Variants in TRAF3 observed in about 807,000 individuals in gnomAD.
TRAF3 encodes TNF receptor-associated factor 3.
Under a neutral mutation model 62.3 loss-of-function variants are expected in TRAF3, and 13 were observed. The observed-to-expected ratio is 0.21, with a 90% confidence interval of 0.14 to 0.33. The LOEUF (loss-of-function observed/expected upper bound fraction) is 0.33. Among genes scored for constraint, TRAF3 ranks in the 10% least tolerant of loss-of-function variants. The probability of loss-of-function intolerance (pLI) is 1.00; values close to 1 mark genes in which losing one functional copy is unlikely to be tolerated. For missense variants in TRAF3, 440 were observed against 741.8 expected (o/e 0.59, Z 4.73); for synonymous variants, 269 against 283.4 (o/e 0.95, Z 0.51).
At chr14:102,886,356 C>T (rs561721988) in intron 7 of TRAF3, 87 bp downstream of exon 7, 99 of 1,199,798 alleles carry the variant, frequency 8.3e-5, no homozygotes, top group East Asian at 1.8e-4. Context: ...CGAAGCCTCA[C>T]GTTTTCCCAG....
intron 6 of TRAF3, among the ~76,000 whole-genome samples, chr14:102,880,115 C>CA (rs1001944240): frequency 1.3e-4 from 19 of 151,720 alleles, no homozygotes; most frequent in African/African-American, 3.1e-4. Flanking sequence ...GACCCTGTCT[C>CA]AAAAAAAAGA....
chr14:102,820,807 A>T (rs916487736), intron 1 of TRAF3, among the ~76,000 whole-genome samples: 1 of 149,786 alleles, frequency 6.7e-6, no homozygotes, highest in African/African-American at 2.5e-5. Context: ...GTTTTAAAAA[A>T]TTTTTTTATA....
At chr14:102,793,730 A>G (rs776877179) in intron 1 of TRAF3, among the ~76,000 whole-genome samples, 9 of 152,236 alleles carry the variant, frequency 5.9e-5, no homozygotes, top group South Asian at 2.1e-4. Flanking sequence ...AGGGAACTCT[A>G]TTCCTGATGC....
At chr14:102,805,263 G>A (rs4145824) in intron 1 of TRAF3, among the ~76,000 whole-genome samples, 79,817 of 152,044 alleles carry the variant, frequency 0.52, 23,355 homozygotes, top group South Asian at 0.74. Flanking sequence ...TTTCTAGTGT[G>A]TGCTCTTCTT....
rs1355039873 is a variant in TRAF3 at position 102,898,807 on chromosome 14, A to G, written c.960+1406A>G. 3.3e-5 allele frequency among the ~76,000 whole-genome samples: 5 copies of G among 152,258 alleles called. No homozygotes were observed. The East Asian group carries it at 7.7e-4, about 23-fold the overall frequency. On this transcript the variant is annotated intron_variant, in intron 10 of 11. Transcript: ENST00000392745. ...CTTTTTAGTCGAGTTTAATCACTCT[A>G]TGGTATGTGATTTCTACTTGAAAAC...
chr14:102,897,118 T>C (rs1365984366), intron 9 of TRAF3, 143 bp from the exon 10 acceptor site: 7 of 775,160 alleles, frequency 9.0e-6, no homozygotes, highest in Non-Finnish European at 1.5e-5. Flanking sequence ...GGACTGTCAT[T>C]TTCTGTGTGA....
At position 102,800,695 on chromosome 14, in the gene TRAF3, CTTTTTTT is replaced by C. The variant is rs369818329; in HGVS notation, c.-157+23034_-157+23040del. On this transcript the variant is annotated intron_variant, in intron 1 of 11. Coordinates refer to ENST00000392745, the MANE Select transcript of TRAF3 (RefSeq NM_145725.3). Reference sequence around the variant, plus strand: ...AATTAACATGTTTCCTGTTCTTTTCCTTTTTTTTTTTTTTTTTTTTGAGAAGACTCTT... The same window carrying C: ...AATTAACATGTTTCCTGTTCTTTTCCTTTTTTTTTTTTTGAGAAGACTCTT... Among the ~76,000 whole-genome samples, 182 of 133,180 alleles carry C rather than the reference CTTTTTTT, an allele frequency of 1.4e-3. 4 individuals are homozygous for C. In the East Asian group the frequency reaches 0.032, roughly 23 times the overall value. 87.4% of individuals were successfully genotyped at this position (133,180 alleles called of 152,430 possible). A position where few individuals can be genotyped will look rare whatever the true frequency, so the allele number is the denominator to read the frequency against.
At position 102,830,346 on chromosome 14, in the gene TRAF3, A is replaced by C. The variant is rs935703159; in HGVS notation, c.-144A>C. The C allele has an allele frequency of 6.6e-6, 1 of 152,422 alleles. No homozygotes were observed. Among genetic ancestry groups the C allele is most frequent in the Non-Finnish European group, 1.5e-5 (1 of 68,222 alleles). The allele number at this position is 152,422 out of a possible 1,614,324, so 9.4% of individuals were successfully genotyped here. On this transcript the variant is annotated 5_prime_UTR_variant, in exon 2 of 12. Transcript: ENST00000392745. ...CTTTATTTTACAGATGAGGAAAATG[A>C]GGCCCAAAGAAGTGATGCCACTTGG...
At position 102,834,842 on chromosome 14, in the gene TRAF3, A is replaced by G. The variant is rs920090871; in HGVS notation, c.-18+4370A>G. On this transcript the variant is annotated intron_variant, in intron 2 of 11. Transcript: ENST00000392745. Reference sequence around the variant, plus strand: ...ACCATTCTGGACACAGGAACTGACAAAGGTTTCATGAAGAAAACACAAAAA... The same window carrying G: ...ACCATTCTGGACACAGGAACTGACAGAGGTTTCATGAAGAAAACACAAAAA... Among the ~76,000 whole-genome samples, 6 of 152,190 alleles carry G rather than the reference A, an allele frequency of 3.9e-5. No homozygotes were observed. The East Asian group carries it at 1.2e-3, about 29-fold the overall frequency.
chr14:102,904,935 A>T (rs1353144800), intron 11 of TRAF3, among the ~76,000 whole-genome samples: 2 of 152,032 alleles, frequency 1.3e-5, no homozygotes, highest in Non-Finnish European at 2.9e-5. Context: ...AACATGGCGA[A>T]ACCCTGTCCC....
chr14:102,786,755 C>CG (rs1044509652), intron 1 of TRAF3, among the ~76,000 whole-genome samples: 5 of 151,964 alleles, frequency 3.3e-5, no homozygotes, highest in African/African-American at 7.3e-5. Flanking sequence ...GAGGATGAGG[C>CG]GGGGGGATCG....
intron 1 of TRAF3, among the ~76,000 whole-genome samples, chr14:102,814,698 T>C (rs938543366): frequency 6.6e-6 from 1 of 152,096 alleles, no homozygotes; most frequent in Non-Finnish European, 1.5e-5. Context: ...TTTTGTACTT[T>C]TTTTTGTAGA....
At chr14:102,857,532 C>A (rs1402598401) in intron 2 of TRAF3, among the ~76,000 whole-genome samples, 5 of 152,216 alleles carry the variant, frequency 3.3e-5, no homozygotes, top group Admixed American at 2.0e-4. Flanking sequence ...AAGCCAAGCC[C>A]AGCCATGGGT....
chr14:102,810,331 A>G (rs1003627604), intron 1 of TRAF3, among the ~76,000 whole-genome samples: 3 of 152,188 alleles, frequency 2.0e-5, no homozygotes, highest in Admixed American at 6.5e-5. Context: ...GTGGGAACAT[A>G]GGGTGACCTC....
At chr14:102,860,229 A>G (rs1447850369) in intron 2 of TRAF3, among the ~76,000 whole-genome samples, 2 of 152,224 alleles carry the variant, frequency 1.3e-5, no homozygotes, top group Non-Finnish European at 2.9e-5. Context: ...CTACCTAGTT[A>G]TATTACACAC....
chr14:102,902,191 C>T (rs1158901594), intron 10 of TRAF3, among the ~76,000 whole-genome samples: 2 of 152,218 alleles, frequency 1.3e-5, no homozygotes, highest in Non-Finnish European at 1.5e-5. Context: ...CTGGCAGCCT[C>T]GTGTGTTCGT....
chr14:102,824,380 A>G (rs530995837), intron 1 of TRAF3, among the ~76,000 whole-genome samples: 2 of 152,238 alleles, frequency 1.3e-5, no homozygotes, highest in South Asian at 4.1e-4. Flanking sequence ...TTTGGTAAAT[A>G]AGTATGTATC....
At chr14:102,898,889 T>A (rs1173033707) in intron 10 of TRAF3, among the ~76,000 whole-genome samples, 5 of 152,240 alleles carry the variant, frequency 3.3e-5, no homozygotes, top group Admixed American at 3.3e-4. Context: ...GGAAGCCAAG[T>A]TGCCAAGGGC....
At chr14:102,893,041 A>G (rs966586318) in intron 9 of TRAF3, among the ~76,000 whole-genome samples, 3 of 151,968 alleles carry the variant, frequency 2.0e-5, no homozygotes, top group African/African-American at 7.3e-5. Flanking sequence ...CAGGCTTTTT[A>G]TCTTTCATAG....
Sources: allele counts gnomAD v4.1 joint callset (sites outside exome capture counted in the v4.1 genomes callset), GRCh38; gene constraint gnomAD v4.1.1; transcripts MANE v1.5; gene names NCBI Gene and HGNC (gene_info 2026-07-23, HGNC 2026-07-21).